The following SLC25A24 variants were observed in gnomAD, a reference collection of about 807,000 sequenced individuals.
The protein encoded by SLC25A24 is solute carrier family 25 member 24.
In SLC25A24, 49 loss-of-function variants were observed where a neutral mutation model predicts 60.7. That is an observed-to-expected ratio of 0.81 (90% CI 0.64 to 1.02). SLC25A24 has a LOEUF of 1.02. Ranked by LOEUF, SLC25A24 falls within the 50% of genes least tolerant of loss-of-function variation. SLC25A24 has a pLI of 0.00. For synonymous variants in SLC25A24, 202 were observed against 200.6 expected, an observed-to-expected ratio of 1.01 and a Z score of -0.06; for missense variants, 564 against 586.3, an observed-to-expected ratio of 0.96 and a Z score of 0.39.
chr1:108,147,293 A>T (rs931700341), intron 7 of SLC25A24, among the ~76,000 whole-genome samples: 2 of 151,480 alleles, frequency 1.3e-5, no homozygotes, highest in African/African-American at 4.9e-5. Context: ...TGTCTATTTG[A>T]TTCTCCTCTG....
At chr1:108,185,199 A>G (rs1648074137) in intron 2 of SLC25A24, among the ~76,000 whole-genome samples, 1 of 152,208 alleles carries the variant, frequency 6.6e-6, no homozygotes, top group Non-Finnish European at 1.5e-5. Flanking sequence ...AATAAATTTC[A>G]TTTCTTCATA....
chr1:108,148,434 A>C (rs1280200107), intron 6 of SLC25A24, 48 bp from the exon 7 acceptor site: 3 of 1,021,536 alleles, frequency 2.9e-6, no homozygotes, highest in Non-Finnish European at 4.7e-6. Context: ...CTGTGGACTG[A>C]GCTGCACCCC....
intron 4 of SLC25A24, among the ~76,000 whole-genome samples, chr1:108,158,377 C>CT (rs1450530147): frequency 6.6e-6 from 1 of 152,120 alleles, no homozygotes; most frequent in African/African-American, 2.4e-5. Flanking sequence ...GGGAGGAGCT[C>CT]TCCTATGGTA....
chr1:108,190,693 CT>C (rs61203492), intron 1 of SLC25A24, among the ~76,000 whole-genome samples: 5,844 of 128,656 alleles, frequency 0.045, 1,015 homozygotes, highest in Middle Eastern at 0.098. Flanking sequence ...AGTATCATTT[CT>C]TTTTTTTTTT....
At chr1:108,185,230 T>C (rs1173664115) in intron 2 of SLC25A24, among the ~76,000 whole-genome samples, 1 of 152,196 alleles carries the variant, frequency 6.6e-6, no homozygotes, top group Admixed American at 6.5e-5. Context: ...TCTGTGGTAC[T>C]CCATTACAGC....
At chr1:108,171,478 G>A (rs1647458642) in intron 3 of SLC25A24, among the ~76,000 whole-genome samples, 1 of 152,190 alleles carries the variant, frequency 6.6e-6, no homozygotes, top group African/African-American at 2.4e-5. Context: ...CTATGGTCTA[G>A]AGAGTACCAA....
At chr1:108,139,570 C>T (rs904814013) in intron 8 of SLC25A24, among the ~76,000 whole-genome samples, 1 of 152,106 alleles carries the variant, frequency 6.6e-6, no homozygotes, top group African/African-American at 2.4e-5. Context: ...CTTACAGAAA[C>T]TCTTACATAA....
intron 1 of SLC25A24, 164 bp downstream of exon 1, chr1:108,199,792 C>G (rs1256681188): frequency 4.9e-6 from 3 of 607,726 alleles, no homozygotes; most frequent in Non-Finnish European, 8.7e-6. Flanking sequence ...GGTCGCCGGT[C>G]GCGGCCCCAC....
At chr1:108,189,860 A>T (rs1013681747) in intron 1 of SLC25A24, among the ~76,000 whole-genome samples, 6 of 133,442 alleles carry the variant, frequency 4.5e-5, no homozygotes, top group African/African-American at 1.9e-4. Context: ...AAAGTAAAAA[A>T]AAATTAAAAA....
intron 1 of SLC25A24, among the ~76,000 whole-genome samples, chr1:108,186,890 C>T (rs544389283): frequency 2.6e-5 from 4 of 151,918 alleles, no homozygotes; most frequent in Admixed American, 2.6e-4. Context: ...CCAACCTGAC[C>T]AACATGGAGA....
chr1:108,155,235 A>C, intron 5 of SLC25A24, 100 bp from the exon 6 acceptor site: 2 of 974,496 alleles, frequency 2.1e-6, no homozygotes, highest in Non-Finnish European at 3.0e-6. Flanking sequence ...TTCTAACTGC[A>C]AGAAGATATA....
intron 4 of SLC25A24, among the ~76,000 whole-genome samples, chr1:108,158,358 AGT>A (rs1427915324): frequency 6.6e-6 from 1 of 152,192 alleles, no homozygotes; most frequent in African/African-American, 2.4e-5. Flanking sequence ...TACAGGCAAG[AGT>A]GCAACGGGGA....
At chr1:108,160,277 TG>T (rs1488174867) in intron 4 of SLC25A24, among the ~76,000 whole-genome samples, 5 of 119,956 alleles carry the variant, frequency 4.2e-5, no homozygotes, top group Non-Finnish European at 8.7e-5. Context: ...TCTCAGACGA[TG>T]GGCGGCCGGG....
At chr1:108,180,483 A>G (rs114661499) in intron 3 of SLC25A24, among the ~76,000 whole-genome samples, 1,544 of 152,216 alleles carry the variant, frequency 0.01, 22 homozygotes, top group African/African-American at 0.035. Flanking sequence ...CCCAAATCCA[A>G]ATGTTGAGGC....
intron 3 of SLC25A24, among the ~76,000 whole-genome samples, chr1:108,169,602 T>C (rs1351058604): frequency 1.3e-5 from 2 of 152,226 alleles, no homozygotes; most frequent in Non-Finnish European, 2.9e-5. Flanking sequence ...GGTGTTATAA[T>C]GATCTCCTAG....
chr1:108,186,058 A>G lies in SLC25A24; in HGVS notation c.184-104T>C, dbSNP rs554801481. On this transcript the variant is annotated intron_variant, in intron 1 of 9. Transcript: ENST00000565488. ...ATTAGCTGTTTTCCTAAAAGACTAT[A>G]GTACCTATTTTTGGCCAGATGTATC... 1.8e-4 allele frequency: 158 copies of G among 864,834 alleles called. 1 individual carries two copies. Among genetic ancestry groups the G allele is most frequent in the South Asian group, 1.0e-3 (45 of 43,102 alleles). 53.6% of individuals were successfully genotyped at this position (864,834 alleles called of 1,614,324 possible).
In SLC25A24 at chr1:108,135,498, A is replaced by T. The variant is rs1288214168; in HGVS notation, c.*1155T>A. The T allele has an allele frequency of 6.6e-6, 1 of 152,288 alleles. No individual in the cohort carries two copies. Among genetic ancestry groups the T allele is most frequent in the Non-Finnish European group, 1.5e-5 (1 of 68,022 alleles). 9.4% of individuals were successfully genotyped at this position (152,288 alleles called of 1,614,324 possible). On this transcript the variant is annotated 3_prime_UTR_variant, in exon 10 of 10. Transcript: ENST00000565488. Reference sequence around the variant, plus strand: ...ACTATAAAAATGGCTTTAGTAAAATAAAAAAATGCTCTCATTATTATAAAT... The same window carrying T: ...ACTATAAAAATGGCTTTAGTAAAATTAAAAAATGCTCTCATTATTATAAAT...
intron 3 of SLC25A24, among the ~76,000 whole-genome samples, chr1:108,164,353 T>G (rs1680181660): frequency 6.7e-6 from 1 of 149,748 alleles, no homozygotes; most frequent in African/African-American, 2.4e-5. Flanking sequence ...ATTGGAATAG[T>G]TTCAGAAGGA....
chr1:108,144,137 T>C (rs1392107502), intron 7 of SLC25A24, among the ~76,000 whole-genome samples: 1 of 152,086 alleles, frequency 6.6e-6, no homozygotes, highest in Non-Finnish European at 1.5e-5. Flanking sequence ...AGGTATTAAG[T>C]TTTTTTGAGA....
Sources: gnomAD v4.1 joint callset for allele counts (sites outside exome capture counted in the v4.1 genomes callset) on GRCh38, gnomAD v4.1.1 for gene constraint, MANE v1.5 for transcripts, NCBI Gene and HGNC (gene_info 2026-07-23, HGNC 2026-07-21) for gene names.